DDI2: variants seen among roughly 807,000 people sequenced by gnomAD.
The protein encoded by DDI2 is DDI proteasomal shuttling factor 2.
A neutral mutation model predicts 48.1 loss-of-function variants in DDI2; 5 were observed. That is an observed-to-expected ratio of 0.10 (90% confidence interval 0.05 to 0.22). The LOEUF is 0.22. DDI2 is among the 10% of genes least tolerant of loss of function. DDI2 has a pLI of 1.00. For missense variants in DDI2, 285 were observed against 506.2 expected (o/e 0.56, Z 4.19); for synonymous variants, 205 against 183.6 (o/e 1.12, Z -0.94).
At chr1:15,655,645 C>T (rs937976323) in intron 8 of DDI2, among the ~76,000 whole-genome samples, 6 of 150,716 alleles carry the variant, frequency 4.0e-5, no homozygotes, top group South Asian at 4.2e-4. Context: ...CCCAGCTACT[C>T]GGGAGGCTGA....
At chr1:15,641,772 T>A (rs547593889) in intron 5 of DDI2, among the ~76,000 whole-genome samples, 1 of 151,938 alleles carries the variant, frequency 6.6e-6, no homozygotes, top group African/African-American at 2.4e-5. Flanking sequence ...CTGGCCAACA[T>A]GCTGAAGCCC....
intron 9 of DDI2, 137 bp downstream of exon 9, chr1:15,656,816 A>C: frequency 5.0e-6 from 6 of 1,203,490 alleles, no homozygotes; most frequent in Non-Finnish European, 6.9e-6. Context: ...ACTAGCCTAT[A>C]TGCATTTGTA....
Position 15,617,612 on chromosome 1 carries a change from C to G in DDI2, c.-59C>G, listed in dbSNP as rs1639582117. ...CAGCCAGGCCACGCCGCCGCCTCTT[C>G]CCCTGCGCCCCGCGCCCAGGCCGGG... On this transcript the variant is annotated 5_prime_UTR_variant, in exon 1 of 10. Transcript: ENST00000480945. 1.6e-6 allele frequency: 2 copies of G among 1,276,006 alleles called. No homozygotes were observed. Among genetic ancestry groups the G allele is most frequent in the Non-Finnish European group, 2.0e-6 (2 of 1,004,352 alleles). 79.0% of individuals were successfully genotyped at this position (1,276,006 alleles called of 1,614,324 possible).
intron 1 of DDI2, 62 bp from the exon 2 acceptor site, chr1:15,626,607 T>C: frequency 6.3e-7 from 1 of 1,594,682 alleles, no homozygotes; most frequent in Non-Finnish European, 8.6e-7. Flanking sequence ...AACTGGTCCT[T>C]CTGCCTTGCG....
In DDI2 at chr1:15,660,003, A is replaced by T; in HGVS notation, c.*213A>T. 6.2e-7 allele frequency: 1 copy of T among 1,614,226 alleles called. No homozygotes were observed. The highest frequency in any genetic ancestry group is 8.5e-7 in the Non-Finnish European group (1 of 1,180,042). ...TCTGCCCTATCAAGCCCAGTGACTC[A>T]GATCGCATTGAACCTAAAGCTGTGA... On this transcript the variant is annotated 3_prime_UTR_variant, in exon 10 of 10. Coordinates refer to ENST00000480945, the MANE Select transcript of DDI2 (RefSeq NM_032341.5).
chr1:15,648,452 A>G (rs1043365288), intron 6 of DDI2, among the ~76,000 whole-genome samples: 1 of 152,254 alleles, frequency 6.6e-6, no homozygotes, highest in South Asian at 2.1e-4. Context: ...TTGAGATGCC[A>G]TCAAAATCCT....
intron 8 of DDI2, among the ~76,000 whole-genome samples, chr1:15,655,490 G>T (rs1254304622): frequency 1.3e-5 from 2 of 151,354 alleles, no homozygotes; most frequent in Non-Finnish European, 2.9e-5. Flanking sequence ...AGTGACTCAC[G>T]CCTGTAATCC....
At chr1:15,638,512 T>C (rs1183160952) in intron 5 of DDI2, 78 bp downstream of exon 5, 1 of 1,288,500 alleles carries the variant, frequency 7.8e-7, no homozygotes, top group Non-Finnish European at 1.1e-6. Context: ...GGCTCAAGCA[T>C]CCGTTCAGAT....
Position 15,660,882 on chromosome 1 carries a change from T to G in DDI2, c.*1092T>G. ...CCTCTCCAAGTCTCTGTGGCAGTTGTCAGCCTTCTGTGGAGTCAGCAGAAG... is the reference window on the plus strand; with the variant it reads ...CCTCTCCAAGTCTCTGTGGCAGTTGGCAGCCTTCTGTGGAGTCAGCAGAAG... On this transcript the variant is annotated 3_prime_UTR_variant, in exon 10 of 10. Transcript: ENST00000480945. The G allele has an allele frequency of 6.2e-7, 1 of 1,614,174 alleles. No homozygotes were observed. Among genetic ancestry groups the G allele is most frequent in the Non-Finnish European group, 8.5e-7 (1 of 1,180,020 alleles).
At chr1:15,648,834 C>CAAAAAAA (rs36082177) in intron 6 of DDI2, among the ~76,000 whole-genome samples, 2 of 95,956 alleles carry the variant, frequency 2.1e-5, no homozygotes, top group African/African-American at 8.7e-5. Context: ...GACCCTGTCT[C>CAAAAAAA]AAAAAAAAAA....
In DDI2 at chr1:15,660,613, A is replaced by G. The variant is rs1161797660; in HGVS notation, c.*823A>G. 5.0e-6 allele frequency: 8 copies of G among 1,614,006 alleles called. No homozygotes were observed. The highest frequency in any genetic ancestry group is 6.8e-6 in the Non-Finnish European group (8 of 1,180,028). On this transcript the variant is annotated 3_prime_UTR_variant, in exon 10 of 10. Coordinates refer to ENST00000480945, the MANE Select transcript of DDI2 (RefSeq NM_032341.5). ...TGGCTGCTCAAATTCAGAAACATTT[A>G]TGGAAATCGATACAGCTCAACAGTC...
intron 6 of DDI2, among the ~76,000 whole-genome samples, chr1:15,645,026 G>A (rs1170096604): frequency 3.3e-5 from 5 of 151,970 alleles, no homozygotes; most frequent in African/African-American, 4.8e-5. Flanking sequence ...GAGTAGCCGG[G>A]TCACAGGCGT....
intron 1 of DDI2, among the ~76,000 whole-genome samples, chr1:15,625,418 C>G (rs1167163434): frequency 7.3e-6 from 1 of 137,474 alleles, no homozygotes; most frequent in Non-Finnish European, 1.6e-5. Context: ...TAATGCAGGG[C>G]AGATTTTATG....
intron 4 of DDI2, among the ~76,000 whole-genome samples, chr1:15,637,842 T>C (rs1639952226): frequency 6.6e-6 from 1 of 152,148 alleles, no homozygotes; most frequent in Non-Finnish European, 1.5e-5. Context: ...GTGTACAGAT[T>C]AGAAAACCCA....
intron 8 of DDI2, among the ~76,000 whole-genome samples, chr1:15,653,560 A>T (rs191088772): frequency 0.034 from 5,082 of 151,556 alleles, 93 homozygotes; most frequent in South Asian, 0.057. Flanking sequence ...TAAAAAAAAA[A>T]TTTTTTTTTG....
intron 1 of DDI2, among the ~76,000 whole-genome samples, chr1:15,618,357 C>A (rs1200878973): frequency 4.0e-5 from 6 of 151,264 alleles, no homozygotes; most frequent in Non-Finnish European, 8.8e-5. Context: ...TTAAGACTTG[C>A]ACTACCTCAT....
At chr1:15,644,625 ACT>A (rs753436638) in intron 6 of DDI2, among the ~76,000 whole-genome samples, 3 of 106,724 alleles carry the variant, frequency 2.8e-5, no homozygotes, top group Non-Finnish European at 5.1e-5. Context: ...ACGGAGTCTC[ACT>A]CTGTCGCCCA....
rs1640150608 is a variant in DDI2 at position 15,649,840 on chromosome 1, CT to C, written c.993+19del. ...CGGCACCAGGTAATTAAGAGCTTCA[CT>C]TATTTTTTTTGCATCTGCTTTTTGT... On this transcript the variant is annotated intron_variant, in intron 7 of 9. Transcript: ENST00000480945. 6.3e-7 allele frequency: 1 copy of C among 1,597,404 alleles called. No homozygotes were observed. Among genetic ancestry groups the C allele is most frequent in the Non-Finnish European group, 8.5e-7 (1 of 1,174,522 alleles).
At chr1:15,651,640 T>C (rs1287077427) in intron 7 of DDI2, 66 bp from the exon 8 acceptor site, 1 of 1,465,242 alleles carries the variant, frequency 6.8e-7, no homozygotes. Context: ...GAGTTTTAAA[T>C]TAAGGAGCAT....
Sources: allele counts gnomAD v4.1 joint callset (sites outside exome capture counted in the v4.1 genomes callset), GRCh38; gene constraint gnomAD v4.1.1; transcripts MANE v1.5; gene names NCBI Gene and HGNC (gene_info 2026-07-23, HGNC 2026-07-21).